FCHSD2: variants seen among roughly 807,000 people sequenced by gnomAD.
The protein encoded by FCHSD2 is F-BAR and double SH3 domains protein 2.
In FCHSD2, 38 loss-of-function variants were observed where a neutral mutation model predicts 108.1. The ratio of observed to expected loss-of-function variants is 0.35; its 90% confidence interval spans 0.27 to 0.46. FCHSD2 has a LOEUF of 0.46. Among genes scored for constraint, FCHSD2 ranks in the 20% least tolerant of loss-of-function variants. The pLI is 1.00. For missense variants in FCHSD2, 751 were observed against 897.8 expected, an observed-to-expected ratio of 0.84 and a Z score of 2.09; for synonymous variants, 279 against 314.7, an observed-to-expected ratio of 0.89 and a Z score of 1.20.
At chr11:73,033,147 G>C (rs923191087) in intron 3 of FCHSD2, among the ~76,000 whole-genome samples, 10 of 151,944 alleles carry the variant, frequency 6.6e-5, no homozygotes, top group African/African-American at 1.5e-4. Context: ...AATTAGCTGG[G>C]CATGGTGGCG....
intron 5 of FCHSD2, among the ~76,000 whole-genome samples, chr11:72,995,174 G>A (rs752114829): frequency 1.3e-5 from 2 of 151,896 alleles, no homozygotes; most frequent in Non-Finnish European, 2.9e-5. Flanking sequence ...CCTTTTTATC[G>A]CCGAATAGTA....
chr11:72,864,204 T>C (rs557775663), intron 13 of FCHSD2, among the ~76,000 whole-genome samples: 3 of 152,220 alleles, frequency 2.0e-5, no homozygotes. Context: ...GGCTATAGTT[T>C]GAAAATGTAA....
At chr11:72,906,269 T>C (rs1855628369) in intron 9 of FCHSD2, among the ~76,000 whole-genome samples, 1 of 152,200 alleles carries the variant, frequency 6.6e-6, no homozygotes, top group Non-Finnish European at 1.5e-5. Flanking sequence ...CACTTTTTGA[T>C]GGCGTTGTTT....
At chr11:73,117,613 GTT>G (rs1860634273) in intron 2 of FCHSD2, among the ~76,000 whole-genome samples, 1 of 152,124 alleles carries the variant, frequency 6.6e-6, no homozygotes. Context: ...GTTAGTAGTG[GTT>G]TTGTTTGTTT....
intron 13 of FCHSD2, among the ~76,000 whole-genome samples, chr11:72,864,842 G>C (rs1333381535): frequency 6.6e-6 from 1 of 152,210 alleles, no homozygotes; most frequent in Non-Finnish European, 1.5e-5. Flanking sequence ...GACACAGGCT[G>C]ATGGGGTTGC....
chr11:72,838,729 A>G lies in FCHSD2; in HGVS notation c.*62T>C. ...CATCATGCAAAGGTGCCTAAAAAACAAGACTGGCCAAACTCCAAGCCTGGC... is the reference window on the plus strand; with the variant it reads ...CATCATGCAAAGGTGCCTAAAAAACGAGACTGGCCAAACTCCAAGCCTGGC... On this transcript the variant is annotated 3_prime_UTR_variant, in exon 20 of 20. Coordinates refer to ENST00000409418, the MANE Select transcript of FCHSD2 (RefSeq NM_014824.3). 1 of 1,421,814 alleles carries G rather than the reference A, an allele frequency of 7.0e-7. No individual in the cohort carries two copies. The highest frequency in any genetic ancestry group is 9.7e-7 in the Non-Finnish European group (1 of 1,029,080). The allele number at this position is 1,421,814 out of a possible 1,614,324, so 88.1% of individuals were successfully genotyped here.
intron 8 of FCHSD2, among the ~76,000 whole-genome samples, chr11:72,958,749 G>C (rs929256693): frequency 3.9e-5 from 6 of 151,936 alleles, no homozygotes; most frequent in Non-Finnish European, 8.8e-5. Flanking sequence ...AAAGTAATCA[G>C]ATTTAAGAAA....
chr11:72,964,854 A>T (rs1856876801), intron 8 of FCHSD2, among the ~76,000 whole-genome samples: 1 of 144,494 alleles, frequency 6.9e-6, no homozygotes, highest in Non-Finnish European at 1.5e-5. Flanking sequence ...CACTGGCAGG[A>T]TCTCGGCTCA....
At chr11:72,860,423 T>C (rs1861540360) in intron 13 of FCHSD2, among the ~76,000 whole-genome samples, 1 of 152,172 alleles carries the variant, frequency 6.6e-6, no homozygotes, top group South Asian at 2.1e-4. Flanking sequence ...AGGGTTCAAG[T>C]ATGTTATTTG....
intron 2 of FCHSD2, among the ~76,000 whole-genome samples, chr11:73,136,760 T>C (rs918483049): frequency 2.0e-5 from 3 of 152,188 alleles, no homozygotes; most frequent in Non-Finnish European, 4.4e-5. Flanking sequence ...CCAGGCGCAG[T>C]GGCTCATGCC....
At chr11:73,024,135 A>T (rs1269225775) in intron 3 of FCHSD2, among the ~76,000 whole-genome samples, 1 of 152,150 alleles carries the variant, frequency 6.6e-6, no homozygotes, top group African/African-American at 2.4e-5. Context: ...TTGACAAGAG[A>T]CAAAGAATGA....
intron 2 of FCHSD2, among the ~76,000 whole-genome samples, chr11:73,110,646 T>C (rs1388973203): frequency 1.3e-5 from 2 of 152,164 alleles, no homozygotes; most frequent in African/African-American, 4.8e-5. Context: ...GTCTTTTGTA[T>C]TGTTTTCTTC....
chr11:72,893,931 G>C (rs541666894), intron 10 of FCHSD2, among the ~76,000 whole-genome samples: 1 of 152,238 alleles, frequency 6.6e-6, no homozygotes, highest in East Asian at 1.9e-4. Flanking sequence ...CTCAAGATAT[G>C]ATTTTGTTTT....
intron 2 of FCHSD2, among the ~76,000 whole-genome samples, chr11:73,134,278 TG>T (rs1861071498): frequency 6.6e-6 from 1 of 151,886 alleles, no homozygotes. Flanking sequence ...CGAGACCAGC[TG>T]GGGCAACATA....
chr11:72,984,203 C>T lies in FCHSD2; in HGVS notation c.590G>A (p.Arg197Gln), dbSNP rs921663371. 4.3e-6 allele frequency: 7 copies of T among 1,613,718 alleles called. No homozygotes were observed. In the Admixed American group the frequency reaches 5.0e-5, roughly 12 times the overall value. The change falls in exon 8 of 20, where the codon CGA becomes CAA. Residue 197 changes from arginine (R) to glutamine (Q), a missense_variant. Transcript: ENST00000409418. ...QKASVKLKAR[R>Q]SECNSKATHA... ...GGTAGCTTTGGAATTACACTCAGAT[C>T]GCCGGGCTTTTAACTAAAACATAGC... is the stretch of plus-strand genomic sequence containing the variant.
intron 16 of FCHSD2, 135 bp downstream of exon 16, chr11:72,843,016 C>T (rs573883375): frequency 3.6e-5 from 34 of 948,766 alleles, no homozygotes; most frequent in East Asian, 7.8e-5. Context: ...GCAGGACAAA[C>T]GTGACCATAT....
At chr11:73,019,713 A>G (rs1053010239) in intron 3 of FCHSD2, among the ~76,000 whole-genome samples, 1 of 152,172 alleles carries the variant, frequency 6.6e-6, no homozygotes, top group Non-Finnish European at 1.5e-5. Flanking sequence ...ATGCTCAGAC[A>G]TACTCTGGGG....
chr11:72,947,857 A>C (rs1197185239), intron 8 of FCHSD2, among the ~76,000 whole-genome samples: 1 of 152,228 alleles, frequency 6.6e-6, no homozygotes, highest in Non-Finnish European at 1.5e-5. Flanking sequence ...CTTTAAAAAC[A>C]AATTCAAGAC....
chr11:73,038,380 G>A (rs1041142003), intron 3 of FCHSD2, among the ~76,000 whole-genome samples: 1 of 151,240 alleles, frequency 6.6e-6, no homozygotes, highest in Non-Finnish European at 1.5e-5. Context: ...AAATTCTGAT[G>A]ACTGATTGAT....
Sources: gnomAD v4.1 joint callset for allele counts (sites outside exome capture counted in the v4.1 genomes callset) on GRCh38, gnomAD v4.1.1 for gene constraint, MANE v1.5 for transcripts, NCBI Gene and HGNC (gene_info 2026-07-23, HGNC 2026-07-21) for gene names.